PTPRN2: variants seen among roughly 807,000 people sequenced by gnomAD.
PTPRN2 encodes receptor-type tyrosine-protein phosphatase N2.
In PTPRN2, 74 loss-of-function variants were observed where a neutral mutation model predicts 118.8. That is an observed-to-expected ratio of 0.62 (90% CI 0.52 to 0.76). The LOEUF (loss-of-function observed/expected upper bound fraction) is 0.76. PTPRN2 is among the 30% of genes least tolerant of loss of function. The probability of loss-of-function intolerance (pLI) is 0.00; values close to 1 mark genes in which losing one functional copy is unlikely to be tolerated. For missense variants in PTPRN2, 1,481 were observed against 1,394.4 expected (o/e 1.06, Z -0.99); for synonymous variants, 641 against 608.0 (o/e 1.05, Z -0.80).
rs986981105 is a variant in PTPRN2, at chr7:157,704,010, C to T, written c.1789-21073G>A. Reference sequence around the variant, plus strand: ...CCTCTGTTTTTTCCAGCTGCAGCTCCGGGTGCCATCCTCCGCGGGGTGAGG... The same window carrying T: ...CCTCTGTTTTTTCCAGCTGCAGCTCTGGGTGCCATCCTCCGCGGGGTGAGG... On this transcript the variant is annotated intron_variant, in intron 12 of 22. Transcript: ENST00000389418. 5.3e-5 allele frequency among the ~76,000 whole-genome samples: 8 copies of T among 152,210 alleles called. No homozygotes were observed. In the South Asian group the frequency reaches 8.3e-4, roughly 16 times the overall value.
At chr7:158,569,486 G>A (rs1385782079) in intron 1 of PTPRN2, among the ~76,000 whole-genome samples, 1 of 152,272 alleles carries the variant, frequency 6.6e-6, no homozygotes, top group South Asian at 2.1e-4. Flanking sequence ...AGGAGCTCGC[G>A]CACGCCAGGC....
In PTPRN2 at chr7:157,690,644, G is replaced by C. The variant is rs1185466128; in HGVS notation, c.1789-7707C>G. ...TCGGGGCGCAGCAGCTGCGGGTAGC[G>C]GCAGCGCCATCATCACAGCCAGCTG... On this transcript the variant is annotated intron_variant, in intron 12 of 22. Transcript: ENST00000389418. This position sits in a 1 kb window ranked among gnomAD's most constrained non-coding sequence, Gnocchi z 7.1. Among the ~76,000 whole-genome samples the C allele has an allele frequency of 6.6e-6, 1 of 151,688 alleles. No individual in the cohort carries two copies. Among genetic ancestry groups the C allele is most frequent in the Non-Finnish European group, 1.5e-5 (1 of 67,876 alleles).
intron 4 of PTPRN2, among the ~76,000 whole-genome samples, chr7:158,201,766 T>C (rs1293794913): frequency 6.6e-6 from 1 of 152,210 alleles, no homozygotes; most frequent in Non-Finnish European, 1.5e-5. Flanking sequence ...CAACGAGTTG[T>C]CAACCAGAAA....
chr7:158,140,498 C>T lies in PTPRN2; in HGVS notation c.911-1983G>A, dbSNP rs987084391. Among the ~76,000 whole-genome samples the T allele has an allele frequency of 2.0e-5, 3 of 152,202 alleles. No individual in the cohort carries two copies. The South Asian group carries it at 6.2e-4, about 32-fold the overall frequency. On this transcript the variant is annotated intron_variant, in intron 6 of 22. Transcript: ENST00000389418. ...AGGAGAGCGGATAAGGAGGCCACAT[C>T]CACACCAGCACTGAGCCAGAAGGAA...
At position 158,145,857 on chromosome 7, in the gene PTPRN2, C is replaced by G. The variant is rs559059259; in HGVS notation, c.911-7342G>C. 1.2e-4 allele frequency among the ~76,000 whole-genome samples: 18 copies of G among 152,340 alleles called. No individual in the cohort carries two copies. In the South Asian group the frequency reaches 3.5e-3, roughly 30 times the overall value. ...CAGGCTGGACTCCCATGAAGAAAGG[C>G]TGACCATGCTCCCGGAGTCTTGGCC... On this transcript the variant is annotated intron_variant, in intron 6 of 22. Transcript: ENST00000389418.
chr7:157,684,308 T>C (rs1797056477), intron 12 of PTPRN2, among the ~76,000 whole-genome samples: 1 of 150,824 alleles, frequency 6.6e-6, no homozygotes, highest in Non-Finnish European at 1.5e-5. Context: ...GACCGCGAGG[T>C]TCTCCAGCGG....
chr7:158,169,417 A>AGAGTGTGTGT lies in PTPRN2; in HGVS notation c.550-2127_550-2126insACACACACTC, dbSNP rs1554570801. On this transcript the variant is annotated intron_variant, in intron 5 of 22. Transcript: ENST00000389418. ...ACCACCATACCTGGCTGCTTTTGTG[A>AGAGTGTGTGT]GTGTGTGTGTGTGTGTGTGTGTGTG... Among the ~76,000 whole-genome samples, 6 of 136,526 alleles carry AGAGTGTGTGT rather than the reference A, an allele frequency of 4.4e-5. 1 individual carries two copies. In the Admixed American group the frequency reaches 4.4e-4, roughly 10 times the overall value. The allele number at this position is 136,526 out of a possible 152,430, so 89.6% of individuals were successfully genotyped here.
At chr7:158,135,420 A>T (rs1818725454) in intron 8 of PTPRN2, among the ~76,000 whole-genome samples, 1 of 152,044 alleles carries the variant, frequency 6.6e-6, no homozygotes, top group African/African-American at 2.4e-5. Flanking sequence ...TGTCACTTAA[A>T]TTGTGTTTCA....
chr7:158,246,310 G>A (rs1298786508), intron 3 of PTPRN2, among the ~76,000 whole-genome samples: 1 of 151,732 alleles, frequency 6.6e-6, no homozygotes, highest in African/African-American at 2.4e-5. Context: ...CGTAATGGGT[G>A]GGTCTCCTGG....
In PTPRN2 at chr7:157,977,822, G is replaced by C. The variant is rs1223343892; in HGVS notation, c.1724-79085C>G. On this transcript the variant is annotated intron_variant, in intron 11 of 22. Coordinates refer to ENST00000389418, the MANE Select transcript of PTPRN2 (RefSeq NM_002847.5). This position sits in a 1 kb window ranked among gnomAD's most constrained non-coding sequence, Gnocchi z 4.6. ...GAGCTCCCTGTTGCTGCTGCTGGGGGAGCAGGAAGGGGGATCACCCTGACA... is the reference window on the plus strand; with the variant it reads ...GAGCTCCCTGTTGCTGCTGCTGGGGCAGCAGGAAGGGGGATCACCCTGACA... 6.6e-6 allele frequency among the ~76,000 whole-genome samples: 1 copy of C among 151,792 alleles called. No individual in the cohort carries two copies. The highest frequency in any genetic ancestry group is 1.9e-4 in the East Asian group (1 of 5,184).
chr7:158,356,670 G>T (rs1344166103), intron 2 of PTPRN2, among the ~76,000 whole-genome samples: 2 of 151,954 alleles, frequency 1.3e-5, no homozygotes, highest in South Asian at 4.1e-4. Context: ...AGCGCTGTGC[G>T]TAAAGAAAAT....
Position 157,629,491 on chromosome 7 carries a change from A to G in PTPRN2, c.2197-7982T>C, listed in dbSNP as rs1803806859. 6.6e-6 allele frequency among the ~76,000 whole-genome samples: 1 copy of G among 152,192 alleles called. No individual in the cohort carries two copies. The highest frequency in any genetic ancestry group is 1.5e-5 in the Non-Finnish European group (1 of 68,046). ...CCTAAGGACTCCTAAAACTCAGTGG[A>G]CTATTTAAAAATGAGCAAAAGCCGG... On this transcript the variant is annotated intron_variant, in intron 14 of 22. Transcript: ENST00000389418. This position sits in a 1 kb window ranked among gnomAD's most constrained non-coding sequence, Gnocchi z 4.4.
intron 2 of PTPRN2, among the ~76,000 whole-genome samples, chr7:158,341,358 A>G (rs1481633835): frequency 7.0e-6 from 1 of 142,224 alleles, no homozygotes; most frequent in African/African-American, 2.9e-5. Flanking sequence ...ATAAGAGGTA[A>G]CACATGCAGA....
chr7:157,582,001 C>G (rs1408959542), intron 17 of PTPRN2, among the ~76,000 whole-genome samples: 1 of 152,208 alleles, frequency 6.6e-6, no homozygotes, highest in Non-Finnish European at 1.5e-5. Flanking sequence ...TGAGGATCTT[C>G]CCCCACAGGC....
intron 14 of PTPRN2, among the ~76,000 whole-genome samples, chr7:157,645,263 A>T (rs567781629): frequency 8.1e-4 from 123 of 152,356 alleles, no homozygotes; most frequent in Middle Eastern, 3.4e-3. Flanking sequence ...AACATGAGAA[A>T]GTATGCTCAG....
chr7:158,171,583 T>A (rs904562875), intron 5 of PTPRN2, among the ~76,000 whole-genome samples: 5 of 151,958 alleles, frequency 3.3e-5, no homozygotes, highest in Non-Finnish European at 7.4e-5. Flanking sequence ...ACTCCTGACC[T>A]CAAGTGATCT....
intron 4 of PTPRN2, among the ~76,000 whole-genome samples, chr7:158,203,320 C>CT (rs1327004338): frequency 6.7e-6 from 1 of 150,300 alleles, no homozygotes; most frequent in Non-Finnish European, 1.5e-5. Flanking sequence ...ATTCCAATCT[C>CT]AAAGCATATG....
At chr7:158,344,387 G>A (rs986256554) in intron 2 of PTPRN2, among the ~76,000 whole-genome samples, 1 of 152,216 alleles carries the variant, frequency 6.6e-6, no homozygotes. Context: ...AGGCAAGGGA[G>A]GCTGTTTCAA....
At chr7:157,945,220 G>A (rs1800396690) in intron 11 of PTPRN2, among the ~76,000 whole-genome samples, 1 of 152,132 alleles carries the variant, frequency 6.6e-6, no homozygotes, top group Non-Finnish European at 1.5e-5. Context: ...CTGCCAGAGT[G>A]ACCTCATGAG....
Sources: allele counts gnomAD v4.1 joint callset (sites outside exome capture counted in the v4.1 genomes callset), GRCh38; gene constraint gnomAD v4.1.1; non-coding constraint Gnocchi (gnomAD v3.1); transcripts MANE v1.5; gene names NCBI Gene and HGNC (gene_info 2026-07-23, HGNC 2026-07-21).